The following PPP2R2C variants were observed in gnomAD, a reference collection of about 807,000 sequenced individuals.
The protein encoded by PPP2R2C is protein phosphatase 2, regulatory subunit B, gamma.
In PPP2R2C, 10 loss-of-function variants were observed where a neutral mutation model predicts 45.3. The observed-to-expected ratio is 0.22, with a 90% CI of 0.14 to 0.37. The LOEUF is 0.37. PPP2R2C is among the 10% of genes least tolerant of loss of function. PPP2R2C has a pLI of 1.00. For synonymous variants in PPP2R2C, 257 were observed against 245.4 expected, an observed-to-expected ratio of 1.05 and a Z score of -0.44; for missense variants, 308 against 619.7, an observed-to-expected ratio of 0.50 and a Z score of 5.34.
intron 2 of PPP2R2C, among the ~76,000 whole-genome samples, chr4:6,510,493 A>G (rs1229926561): frequency 1.3e-5 from 2 of 152,182 alleles, no homozygotes; most frequent in Admixed American, 1.3e-4. Flanking sequence ...TATGTACCCG[A>G]AATTGTTTCT....
chr4:6,534,084 A>T (rs906825459), intron 2 of PPP2R2C, among the ~76,000 whole-genome samples: 4 of 150,982 alleles, frequency 2.6e-5, no homozygotes, highest in Admixed American at 2.6e-4. Context: ...CAACATACAC[A>T]TCAACACATA....
chr4:6,523,912 T>C (rs1011503025), intron 2 of PPP2R2C, among the ~76,000 whole-genome samples: 2 of 152,122 alleles, frequency 1.3e-5, no homozygotes, highest in Non-Finnish European at 2.9e-5. Context: ...GTTTTGTTTT[T>C]GTTTTTGTTT....
chr4:6,518,922 T>TAAAAAAAA (rs56002128), intron 2 of PPP2R2C, among the ~76,000 whole-genome samples: 60 of 92,898 alleles, frequency 6.5e-4, no homozygotes, highest in African/African-American at 1.7e-3. Flanking sequence ...GACTCTGTCT[T>TAAAAAAAA]AAAAAAAAAA....
At chr4:6,363,958 C>G (rs973613211) in intron 5 of PPP2R2C, among the ~76,000 whole-genome samples, 5 of 152,212 alleles carry the variant, frequency 3.3e-5, no homozygotes, top group Admixed American at 6.5e-5. Flanking sequence ...GTCCTCCCCA[C>G]CTTATCCTAA....
At chr4:6,384,806 AGAG>A (rs1429612368) in intron 1 of PPP2R2C, 3 of 985,370 alleles carry the variant, frequency 3.0e-6, no homozygotes, top group Non-Finnish European at 3.6e-6. Flanking sequence ...ATTTGGCAGC[AGAG>A]GAGATGGAGG....
chr4:6,323,070 C>A lies in PPP2R2C; in HGVS notation c.*232G>T. 3 of 443,530 alleles carry A rather than the reference C, an allele frequency of 6.8e-6. No homozygotes were observed. Among genetic ancestry groups the A allele is most frequent in the East Asian group, 3.5e-5 (1 of 28,174 alleles). 27.5% of individuals were successfully genotyped at this position (443,530 alleles called of 1,614,324 possible). A position where few individuals can be genotyped will look rare whatever the true frequency, so the allele number is the denominator to read the frequency against. ...ATTTTATGATTTGTGGCGGTGAACG[C>A]TTCCTTTCCTTTTTATTTTTTTAAA... is the stretch of plus-strand genomic sequence containing the variant. On this transcript the variant is annotated 3_prime_UTR_variant, in exon 9 of 9. Transcript: ENST00000382599.
chr4:6,468,297 C>T (rs544594526), intron 1 of PPP2R2C, among the ~76,000 whole-genome samples: 1 of 152,288 alleles, frequency 6.6e-6, no homozygotes, highest in South Asian at 2.1e-4. Context: ...TTCAGACAGC[C>T]TCAGGACCCC....
chr4:6,535,329 G>A (rs1178586448), exon 2 of PPP2R2C: 24 of 1,535,314 alleles, frequency 1.6e-5, no homozygotes, highest in Non-Finnish European at 2.1e-5. Context: ...TCCTGAGAGA[G>A]GTGACTAACA....
At chr4:6,383,977 G>A (rs983730916) in intron 1 of PPP2R2C, 5 of 986,226 alleles carry the variant, frequency 5.1e-6, no homozygotes, top group Non-Finnish European at 2.4e-6. Context: ...TGACGGGCTG[G>A]ACGTATCCAT....
intron 1 of PPP2R2C, among the ~76,000 whole-genome samples, chr4:6,386,088 T>A (rs1212195451): frequency 6.6e-6 from 1 of 152,176 alleles, no homozygotes; most frequent in Admixed American, 6.5e-5. Context: ...AGCAACTCTC[T>A]CACAGATAAC....
intron 2 of PPP2R2C, among the ~76,000 whole-genome samples, chr4:6,510,980 C>CAAAACAA (rs1723416197): frequency 2.4e-5 from 1 of 41,354 alleles, no homozygotes; most frequent in African/African-American, 4.2e-5. Flanking sequence ...CCGTCTCAAA[C>CAAAACAA]AAAAAAAAAC....
intron 2 of PPP2R2C, among the ~76,000 whole-genome samples, chr4:6,512,587 A>G (rs867486427): frequency 3.3e-3 from 156 of 47,870 alleles, no homozygotes; most frequent in African/African-American, 8.3e-3. Context: ...GATGGTGGTG[A>G]TGGTGATGGT....
intron 1 of PPP2R2C, among the ~76,000 whole-genome samples, chr4:6,453,976 T>C (rs1049914181): frequency 3.3e-5 from 5 of 152,210 alleles, no homozygotes; most frequent in Admixed American, 6.5e-5. Context: ...TCACATCTAA[T>C]CTACCCCTAA....
intron 1 of PPP2R2C, among the ~76,000 whole-genome samples, chr4:6,454,942 G>A (rs1720937384): frequency 6.6e-6 from 1 of 152,156 alleles, no homozygotes; most frequent in African/African-American, 2.4e-5. Flanking sequence ...AGACAAAATA[G>A]TTATGCCTGC....
chr4:6,392,787 C>CT (rs1224791925), intron 1 of PPP2R2C, among the ~76,000 whole-genome samples: 21 of 152,230 alleles, frequency 1.4e-4, no homozygotes, highest in Admixed American at 5.2e-4. Flanking sequence ...TTCTGTCTTT[C>CT]TAGCATGGAC....
At chr4:6,448,137 A>G (rs1720532472) in intron 1 of PPP2R2C, among the ~76,000 whole-genome samples, 1 of 152,156 alleles carries the variant, frequency 6.6e-6, no homozygotes, top group Non-Finnish European at 1.5e-5. Context: ...AAAGATCGTC[A>G]CGGCAGTCAT....
chr4:6,350,615 G>A lies in PPP2R2C; in HGVS notation c.626-2605C>T, dbSNP rs1712460418. 4 of 985,184 alleles carry A rather than the reference G, an allele frequency of 4.1e-6. No individual in the cohort carries two copies. The African/African-American group carries it at 7.0e-5, about 17-fold the overall frequency. The allele number at this position is 985,184 out of a possible 1,614,324, so 61.0% of individuals were successfully genotyped here. Reference sequence around the variant, plus strand: ...CAGTGGGTGCAGGAGGACTCGGTGGGATGAAGTCAAATGCTGACACCCAGG... The same window carrying A: ...CAGTGGGTGCAGGAGGACTCGGTGGAATGAAGTCAAATGCTGACACCCAGG... On this transcript the variant is annotated intron_variant, in intron 5 of 8. Transcript: ENST00000382599.
intron 2 of PPP2R2C, among the ~76,000 whole-genome samples, chr4:6,513,560 C>CATGCACAG (rs1225139646): frequency 6.6e-6 from 1 of 152,216 alleles, no homozygotes; most frequent in East Asian, 1.9e-4. Flanking sequence ...CAGCAATTGC[C>CATGCACAG]ATGCACAGAC....
chr4:6,383,025 C>T, intron 1 of PPP2R2C: 1 of 1,076,182 alleles, frequency 9.3e-7, no homozygotes. Context: ...GGCCAGGTGA[C>T]CTGTTCTCTG....
Sources: allele counts gnomAD v4.1 joint callset (sites outside exome capture counted in the v4.1 genomes callset), GRCh38; gene constraint gnomAD v4.1.1; transcripts MANE v1.5; gene names NCBI Gene and HGNC (gene_info 2026-07-23, HGNC 2026-07-21).